STARD13: variants seen among roughly 807,000 people sequenced by gnomAD.
STARD13 encodes stAR-related lipid transfer protein 13.
Under a neutral mutation model 106.4 loss-of-function variants are expected in STARD13, and 62 were observed. The ratio of observed to expected loss-of-function variants is 0.58; its 90% CI spans 0.48 to 0.72. The LOEUF (loss-of-function observed/expected upper bound fraction) is 0.72, where lower values mean the gene tolerates loss of function less well. Ranked by LOEUF, STARD13 falls within the 30% of genes least tolerant of loss-of-function variation. The pLI, the probability that STARD13 is intolerant of heterozygous loss-of-function variation, is 0.00. For synonymous variants in STARD13, 565 were observed against 553.0 expected (o/e 1.02, Z -0.31); for missense variants, 1,387 against 1,424.0 (o/e 0.97, Z 0.42).
intron 1 of STARD13, among the ~76,000 whole-genome samples, chr13:33,233,539 C>A (rs1172591278): frequency 2.0e-5 from 3 of 152,200 alleles, no homozygotes; most frequent in African/African-American, 7.2e-5. Context: ...AATAAAAATT[C>A]TCTGCCTTCA....
the STARD13 span, among the ~76,000 whole-genome samples, chr13:33,366,786 T>G: frequency 1.3e-5 from 2 of 152,256 alleles, no homozygotes; most frequent in African/African-American, 2.4e-5. This position sits in a 1 kb window ranked among gnomAD's most constrained non-coding sequence, Gnocchi z 4.2. Flanking sequence ...GATTAATGCC[T>G]TATAAAACAG....
the STARD13 span, among the ~76,000 whole-genome samples, chr13:33,398,627 A>G: frequency 4.0e-5 from 6 of 151,172 alleles, no homozygotes; most frequent in Non-Finnish European, 7.4e-5. Context: ...GAATATGGGG[A>G]AAAAAAAGAG....
chr13:33,524,169 G>A, the STARD13 span: 1 of 881,882 alleles, frequency 1.1e-6, no homozygotes, highest in Non-Finnish European at 1.5e-6. Context: ...TTTTACCTTG[G>A]TGAATTACAC....
At chr13:33,659,882 A>C in the STARD13 span, 1 of 152,220 alleles carries the variant, frequency 6.6e-6, no homozygotes, top group Admixed American at 6.5e-5. Context: ...TAATGCTACA[A>C]GCTGGGAAAC....
At chr13:33,574,067 C>G in the STARD13 span, among the ~76,000 whole-genome samples, 1 of 152,040 alleles carries the variant, frequency 6.6e-6, no homozygotes, top group South Asian at 2.1e-4. Flanking sequence ...AAATCATGAT[C>G]CTTGCCTAAA....
chr13:33,233,690 G>T (rs1889041190), intron 1 of STARD13, among the ~76,000 whole-genome samples: 1 of 152,242 alleles, frequency 6.6e-6, no homozygotes, highest in Admixed American at 6.5e-5. Context: ...ACACGATGAG[G>T]CAAGGGGCCA....
the STARD13 span, among the ~76,000 whole-genome samples, chr13:33,593,561 T>C: frequency 6.6e-6 from 1 of 152,206 alleles, no homozygotes; most frequent in South Asian, 2.1e-4. Context: ...TCTGGAATAA[T>C]GGAGACCCAC....
intron 1 of STARD13, among the ~76,000 whole-genome samples, chr13:33,302,561 C>A (rs554520053): frequency 1.3e-5 from 2 of 152,068 alleles, no homozygotes; most frequent in South Asian, 4.2e-4. Context: ...GGACCACAGG[C>A]GTGTGCCACC....
At chr13:33,230,592 C>T (rs1487962044) in intron 1 of STARD13, among the ~76,000 whole-genome samples, 4 of 152,222 alleles carry the variant, frequency 2.6e-5, no homozygotes, top group South Asian at 4.1e-4. Context: ...TCACCCTTTC[C>T]GGTCAAGGGC....
chr13:33,403,055 AGG>A, the STARD13 span, among the ~76,000 whole-genome samples: 218 of 152,386 alleles, frequency 1.4e-3, 1 homozygote, highest in African/African-American at 3.8e-3. Context: ...AAGGTGTCTG[AGG>A]ATGGCAAGGC....
intron 1 of STARD13, among the ~76,000 whole-genome samples, chr13:33,284,929 C>T (rs1390562536): frequency 1.3e-5 from 2 of 152,080 alleles, no homozygotes; most frequent in Non-Finnish European, 2.9e-5. Context: ...ACCAGGAAAA[C>T]AATATTAACA....
the STARD13 span, among the ~76,000 whole-genome samples, chr13:33,656,137 T>G: frequency 6.6e-5 from 10 of 152,208 alleles, no homozygotes; most frequent in Non-Finnish European, 1.3e-4. Context: ...TTTTAAAATT[T>G]ATTATTACCT....
At chr13:33,425,105 T>A in the STARD13 span, among the ~76,000 whole-genome samples, 4 of 152,226 alleles carry the variant, frequency 2.6e-5, no homozygotes, top group African/African-American at 9.7e-5. Context: ...ACAAAAACTG[T>A]AGCCTCACTT....
the STARD13 span, among the ~76,000 whole-genome samples, chr13:33,522,965 T>C: frequency 2.6e-5 from 4 of 152,304 alleles, no homozygotes; most frequent in East Asian, 1.9e-4. Context: ...GCATTGTGCG[T>C]GGAACATATT....
intron 3 of STARD13, among the ~76,000 whole-genome samples, chr13:33,143,012 A>G (rs1880040146): frequency 6.6e-6 from 1 of 152,134 alleles, no homozygotes. Flanking sequence ...GATACCAGAG[A>G]GCTCCCTCTC....
In STARD13 at chr13:33,199,835, A is replaced by G. The variant is rs115195666; in HGVS notation, c.170-32213T>C. Among the ~76,000 whole-genome samples the G allele has an allele frequency of 6.6e-3, 1,009 of 152,248 alleles. 11 individuals are homozygous for G. The highest frequency in any genetic ancestry group is 0.023 in the African/African-American group (956 of 41,546). ...CTTGCTGGGTTTCTCCTCCTTAGGCATGTCTCGTAATGTATATATATGGCC... is the reference window on the plus strand; with the variant it reads ...CTTGCTGGGTTTCTCCTCCTTAGGCGTGTCTCGTAATGTATATATATGGCC... On this transcript the variant is annotated intron_variant, in intron 1 of 13. Transcript: ENST00000336934.
At chr13:33,147,914 C>T (rs559005876) in intron 3 of STARD13, among the ~76,000 whole-genome samples, 8 of 152,262 alleles carry the variant, frequency 5.3e-5, no homozygotes, top group East Asian at 3.9e-4. Flanking sequence ...AAAACAGACT[C>T]GCACAAAGAG....
At chr13:33,549,289 G>A in the STARD13 span, among the ~76,000 whole-genome samples, 1 of 151,714 alleles carries the variant, frequency 6.6e-6, no homozygotes, top group Admixed American at 6.6e-5. Flanking sequence ...TTGTGTAATT[G>A]AGAATAAACT....
At chr13:33,147,279 T>C (rs1880674799) in intron 3 of STARD13, among the ~76,000 whole-genome samples, 1 of 152,194 alleles carries the variant, frequency 6.6e-6, no homozygotes, top group African/African-American at 2.4e-5. Context: ...GCCAAGTACA[T>C]GTGCAGAACT....
Sources: allele counts gnomAD v4.1 joint callset (sites outside exome capture counted in the v4.1 genomes callset), GRCh38; gene constraint gnomAD v4.1.1; non-coding constraint Gnocchi (gnomAD v3.1); transcripts MANE v1.5; gene names NCBI Gene and HGNC (gene_info 2026-07-23, HGNC 2026-07-21).